RRN3: variants seen among roughly 807,000 people sequenced by gnomAD.
The protein encoded by RRN3 is RNA polymerase I transcription factor RRN3.
In RRN3, 38 loss-of-function variants were observed where a neutral mutation model predicts 82.3. The ratio of observed to expected loss-of-function variants is 0.46; its 90% confidence interval spans 0.36 to 0.61. The LOEUF (loss-of-function observed/expected upper bound fraction) is 0.61. RRN3 is among the 20% of genes least tolerant of loss of function. The pLI, the probability that RRN3 is intolerant of heterozygous loss-of-function variation, is 0.00. For missense variants in RRN3, 726 were observed against 793.1 expected (o/e 0.92, Z 1.02); for synonymous variants, 284 against 284.3 (o/e 1.00, Z 0.01).
chr16:15,092,418 A>C, intron 2 of RRN3, 91 bp downstream of exon 2: 3 of 778,880 alleles, frequency 3.9e-6, no homozygotes, highest in Non-Finnish European at 6.8e-6. Context: ...TATCTTAATT[A>C]ATCTTGCTAT....
intron 3 of RRN3, among the ~76,000 whole-genome samples, chr16:15,088,338 A>T (rs1472764152): frequency 2.0e-5 from 3 of 151,906 alleles, no homozygotes; most frequent in African/African-American, 7.3e-5. Flanking sequence ...ATGGTAGCAC[A>T]TGCTTGTGGT....
chr16:15,076,102 T>C (rs1010021133), intron 10 of RRN3, among the ~76,000 whole-genome samples: 1 of 152,032 alleles, frequency 6.6e-6, no homozygotes, highest in African/African-American at 2.4e-5. Flanking sequence ...CCCGTTTAGC[T>C]CCCCTGCCCT....
chr16:15,070,614 G>T (rs989074633), intron 13 of RRN3, among the ~76,000 whole-genome samples: 37 of 152,070 alleles, frequency 2.4e-4, no homozygotes, highest in African/African-American at 8.2e-4. Flanking sequence ...CAGTCTGGTG[G>T]ACTTCAGTAT....
intron 9 of RRN3, among the ~76,000 whole-genome samples, chr16:15,077,869 T>C (rs966428287): frequency 1.3e-5 from 2 of 152,084 alleles, no homozygotes; most frequent in African/African-American, 4.8e-5. Context: ...TCTCTTTTTC[T>C]TCCCAGGCTC....
chr16:15,071,086 A>G (rs1409150144), intron 13 of RRN3, 35 bp downstream of exon 13: 1 of 1,558,634 alleles, frequency 6.4e-7, no homozygotes, highest in Non-Finnish European at 8.7e-7. Flanking sequence ...TTAAAGCATG[A>G]TATTAAAAAG....
In RRN3 at chr16:15,092,599, A is replaced by G. The variant is rs763855769; in HGVS notation, c.105T>C (p.Arg35=). 3.0e-5 allele frequency: 49 copies of G among 1,610,138 alleles called. No individual in the cohort carries two copies. The highest frequency in any genetic ancestry group is 4.2e-5 in the Non-Finnish European group (49 of 1,176,726). ...GASRTGISNM[R]ALENDFFNSP... ...AATTGAAAAAGTCATTCTCTAATGC[A>G]CGCATATTTGAAATCCTGTGGAACC... The change falls in exon 2 of 18, where the codon CGT becomes CGC. Residue 35 remains arginine, a synonymous_variant. Coordinates refer to ENST00000198767, the MANE Select transcript of RRN3 (RefSeq NM_018427.5).
At chr16:15,063,348 G>C in intron 16 of RRN3, 65 bp from the exon 17 acceptor site, 1 of 1,212,126 alleles carries the variant, frequency 8.2e-7, no homozygotes, top group South Asian at 1.2e-5. Context: ...AATTGGTTTG[G>C]ATCTTTTCTC....
In RRN3 at chr16:15,094,201, C is replaced by T. The variant is rs1196449460; in HGVS notation, c.33G>A (p.Pro11=). 1.3e-6 allele frequency: 2 copies of T among 1,599,100 alleles called. No individual in the cohort carries two copies. Among genetic ancestry groups the T allele is most frequent in the Non-Finnish European group, 1.7e-6 (2 of 1,173,466 alleles). MAAPLLHTRL[P]GDAAASSSAV... ...CAGAGGACGAAGCGGCCGCATCTCC[C>T]GGCAAACGCGTGTGAAGCAGCGGTG... The change falls in exon 1 of 18, where the codon CCG becomes CCA. Residue 11 remains proline (P), a synonymous_variant. Coordinates refer to ENST00000198767, the MANE Select transcript of RRN3 (RefSeq NM_018427.5).
chr16:15,087,912 C>T (rs529986574), intron 3 of RRN3, among the ~76,000 whole-genome samples: 1 of 151,882 alleles, frequency 6.6e-6, no homozygotes, highest in South Asian at 2.1e-4. Flanking sequence ...GTTGGGAGTT[C>T]GAGATGAGCC....
At chr16:15,089,802 A>AC (rs1171412628) in intron 3 of RRN3, among the ~76,000 whole-genome samples, 1 of 151,014 alleles carries the variant, frequency 6.6e-6, no homozygotes, top group Non-Finnish European at 1.5e-5. Context: ...AAAAAAAAAA[A>AC]AAAAAAAAAC....
chr16:15,079,032 G>T (rs1373570267), intron 9 of RRN3, among the ~76,000 whole-genome samples: 1 of 151,972 alleles, frequency 6.6e-6, no homozygotes, highest in Non-Finnish European at 1.5e-5. Flanking sequence ...GGATGGTCTC[G>T]ATCTCCTGAC....
At chr16:15,071,010 T>C in intron 13 of RRN3, 111 bp downstream of exon 13, 2 of 892,018 alleles carry the variant, frequency 2.2e-6, no homozygotes, top group Non-Finnish European at 3.4e-6. Flanking sequence ...AGGGATTTTA[T>C]TCACTTTAAA....
chr16:15,092,716 A>G, intron 1 of RRN3, 102 bp from the exon 2 acceptor site: 1 of 781,478 alleles, frequency 1.3e-6, no homozygotes, highest in Non-Finnish European at 2.2e-6. Flanking sequence ...ACTATTGTTA[A>G]GGCCTCTTTA....
intron 1 of RRN3, among the ~76,000 whole-genome samples, chr16:15,093,010 A>T (rs2046198134): frequency 6.7e-6 from 1 of 148,286 alleles, no homozygotes; most frequent in Non-Finnish European, 1.5e-5. Flanking sequence ...ACGTGGCTGG[A>T]TTTTTTTTTT....
At position 15,083,542 on chromosome 16, in the gene RRN3, G is replaced by A; in HGVS notation, c.637C>T (p.Pro213Ser). The change falls in exon 8 of 18, where the codon CCA (proline) becomes TCA (serine). Residue 213 changes from proline (P) to serine (S), a missense_variant. Around this residue, in one of 4 missense-constraint regions of RRN3, gnomAD observed 344 missense variants for 394.5 expected, o/e 0.87. Coordinates refer to ENST00000198767, the MANE Select transcript of RRN3 (RefSeq NM_018427.5). Reference sequence around the variant, plus strand: ...GTTCTCTCTGATTTTCGAACAAATGGAAATTTTTCCACCAGTATTGGCATG... The same window carrying A: ...GTTCTCTCTGATTTTCGAACAAATGAAAATTTTTCCACCAGTATTGGCATG... ...FLMPILVEKF[P>S]FVRKSERTLE... The A allele has an allele frequency of 6.2e-7, 1 of 1,609,110 alleles. No homozygotes were observed. The highest frequency in any genetic ancestry group is 1.3e-5 in the African/African-American group (1 of 74,664).
chr16:15,083,888 G>T (rs1016449831), intron 7 of RRN3: 11 of 284,292 alleles, frequency 3.9e-5, no homozygotes, highest in Non-Finnish European at 5.4e-5. Context: ...AGCTAATTTT[G>T]TATTTTTAGT....
At chr16:15,078,090 T>A (rs1432867041) in intron 9 of RRN3, among the ~76,000 whole-genome samples, 1 of 152,206 alleles carries the variant, frequency 6.6e-6, no homozygotes, top group African/African-American at 2.4e-5. Context: ...TTTTTTATTA[T>A]CTATGCTTGA....
At chr16:15,072,712 G>A (rs1235835036) in intron 12 of RRN3, among the ~76,000 whole-genome samples, 3 of 152,090 alleles carry the variant, frequency 2.0e-5, no homozygotes, top group Non-Finnish European at 2.9e-5. Context: ...CTGAGAGTCC[G>A]TTGAGCCCAA....
rs2045641300 is a variant in RRN3, at chr16:15,080,214, A to G, written c.667-118T>C. 1.5e-5 allele frequency: 19 copies of G among 1,265,008 alleles called. No individual in the cohort carries two copies. The South Asian group carries it at 2.8e-4, about 19-fold the overall frequency. 78.4% of individuals were successfully genotyped at this position (1,265,008 alleles called of 1,614,324 possible). A position where few individuals can be genotyped will look rare whatever the true frequency, so the allele number is the denominator to read the frequency against. ...CAAATATTTAAAAAGAAAAAAACAG[A>G]CTATCCAGCAATACAAAAACTATAC... On this transcript the variant is annotated intron_variant, in intron 8 of 17. Coordinates refer to ENST00000198767, the MANE Select transcript of RRN3 (RefSeq NM_018427.5).
Sources: allele counts gnomAD v4.1 joint callset (sites outside exome capture counted in the v4.1 genomes callset), GRCh38; gene constraint gnomAD v4.1.1; regional missense constraint gnomAD v4.1.1; transcripts MANE v1.5; gene names NCBI Gene and HGNC (gene_info 2026-07-23, HGNC 2026-07-21).